GJA8: variants seen among roughly 807,000 people sequenced by gnomAD.
GJA8 encodes the protein gap junction protein alpha 8.
In GJA8, 13 loss-of-function variants were observed where a neutral mutation model predicts 15.3. The observed-to-expected ratio is 0.85, with a 90% confidence interval of 0.55 to 1.35. GJA8 has a LOEUF of 1.35. Among genes scored for constraint, GJA8 ranks in the 40% most tolerant of loss-of-function variants. GJA8 has a pLI of 0.00. For synonymous variants in GJA8, 304 were observed against 238.7 expected (o/e 1.27, Z -2.52); for missense variants, 607 against 553.3 (o/e 1.10, Z -0.97).
chr1:147,909,620 A>G (rs1553243190), downstream of GJA8, among the ~76,000 whole-genome samples: 1 of 152,220 alleles, frequency 6.6e-6, no homozygotes, highest in Admixed American at 6.5e-5. Flanking sequence ...TCTCAAGCTC[A>G]CTAAGCCAGA....
downstream of GJA8, among the ~76,000 whole-genome samples, chr1:147,910,027 T>C (rs587642722): frequency 6.6e-6 from 1 of 152,190 alleles, no homozygotes; most frequent in South Asian, 2.1e-4. Context: ...ACCCGGCTAA[T>C]TTTTGTATTT....
At chr1:147,911,083 A>G (rs1553243410), downstream of GJA8, among the ~76,000 whole-genome samples, 1 of 152,192 alleles carries the variant, frequency 6.6e-6, no homozygotes, top group Non-Finnish European at 1.5e-5. Flanking sequence ...TGCTTCATGG[A>G]CTGCAGTGCC....
downstream of GJA8, among the ~76,000 whole-genome samples, chr1:147,910,874 A>G (rs111362689): frequency 5.9e-5 from 9 of 152,294 alleles, no homozygotes; most frequent in African/African-American, 1.9e-4. Context: ...AAGGACACAG[A>G]GGCTAAAGGG....
chr1:147,911,532 T>G (rs587702008), downstream of GJA8, among the ~76,000 whole-genome samples: 1 of 152,066 alleles, frequency 6.6e-6, no homozygotes, highest in Non-Finnish European at 1.5e-5. Context: ...ATAGAAGAGG[T>G]ATGTTTATCT....
downstream of GJA8, among the ~76,000 whole-genome samples, chr1:147,910,520 C>T (rs1382156364): frequency 2.0e-5 from 3 of 152,162 alleles, no homozygotes; most frequent in East Asian, 3.8e-4. Flanking sequence ...CCCTGGGTAC[C>T]ATCAGAGAAA....
intron 1 of GJA8, among the ~76,000 whole-genome samples, chr1:147,904,691 C>T (rs1651723713): frequency 6.6e-6 from 1 of 152,178 alleles, no homozygotes; most frequent in Admixed American, 6.5e-5. Context: ...TTTAAATTTT[C>T]ACTGTTAGAA....
At chr1:147,911,946 A>G (rs1201413854), downstream of GJA8, among the ~76,000 whole-genome samples, 1 of 151,762 alleles carries the variant, frequency 6.6e-6, no homozygotes, top group East Asian at 1.9e-4. Flanking sequence ...ATCCTGCTTC[A>G]ATGAACGTAC....
At chr1:147,911,486 A>T (rs1347288149), downstream of GJA8, among the ~76,000 whole-genome samples, 2 of 152,202 alleles carry the variant, frequency 1.3e-5, no homozygotes, top group Non-Finnish European at 2.9e-5. Context: ...TACCTAGGTA[A>T]CCCAAAGTGA....
chr1:147,907,640 C>T lies in GJA8; in HGVS notation c.-11-305C>T, dbSNP rs370568689. On this transcript the variant is annotated intron_variant, in intron 1 of 1. Coordinates refer to ENST00000369235, the MANE Select transcript of GJA8 (RefSeq NM_005267.5). ...ACAATGAATCCTTATTTTTGGTGGACTTTAAGGAATTATACAAATATTGCC... is the reference window on the plus strand; with the variant it reads ...ACAATGAATCCTTATTTTTGGTGGATTTTAAGGAATTATACAAATATTGCC... Among the ~76,000 whole-genome samples, 80 of 152,216 alleles carry T rather than the reference C, an allele frequency of 5.3e-4. 1 individual carries two copies. In the South Asian group the frequency reaches 8.7e-3, roughly 17 times the overall value.
chr1:147,910,445 C>A (rs1384164479), downstream of GJA8, among the ~76,000 whole-genome samples: 1 of 152,146 alleles, frequency 6.6e-6, no homozygotes, highest in Non-Finnish European at 1.5e-5. Flanking sequence ...ACTGACCATT[C>A]TTTTGGCTCA....
downstream of GJA8, among the ~76,000 whole-genome samples, chr1:147,911,788 C>T (rs1266859039): frequency 6.6e-6 from 1 of 152,052 alleles, no homozygotes; most frequent in Non-Finnish European, 1.5e-5. Context: ...TCAACTAGAG[C>T]CTAATACAAA....
Position 147,908,838 on chromosome 1 carries a change from A to G in GJA8, c.883A>G (p.Lys295Glu). Residue 295 changes from lysine (K) to glutamate (E), a missense_variant, in exon 2 of 2, where the codon AAG becomes GAG. Coordinates refer to ENST00000369235, the MANE Select transcript of GJA8 (RefSeq NM_005267.5). ...GMVETSPLPA[K>E]PFNQFEEKIS... ...GGTGGAGACCAGCCCACTGCCTGCC[A>G]AGCCTTTCAATCAGTTCGAGGAGAA... 1.2e-6 allele frequency: 2 copies of G among 1,614,204 alleles called. No individual in the cohort carries two copies. Among genetic ancestry groups the G allele is most frequent in the Non-Finnish European group, 1.7e-6 (2 of 1,180,038 alleles).
In GJA8 at chr1:147,908,724, G is replaced by C; in HGVS notation, c.769G>C (p.Val257Leu). Reference sequence around the variant, plus strand: ...TGAGAAATCCCTCCACTCCATTGCTGTCTCCTCCATCCAGAAAGCCAAGGG... The same window carrying C: ...TGAGAAATCCCTCCACTCCATTGCTCTCTCCTCCATCCAGAAAGCCAAGGG... Reference protein sequence around the residue: ...IPEKSLHSIAVSSIQKAKGYQ... With the variant: ...IPEKSLHSIALSSIQKAKGYQ... The change falls in exon 2 of 2, where the codon GTC becomes CTC. Residue 257 changes from valine (V) to leucine (L), a missense_variant. Transcript: ENST00000369235. 1 of 1,614,098 alleles carries C rather than the reference G, an allele frequency of 6.2e-7. No homozygotes were observed. The highest frequency in any genetic ancestry group is 8.5e-7 in the Non-Finnish European group (1 of 1,179,960).
chr1:147,907,206 G>T (rs1651833020), intron 1 of GJA8, among the ~76,000 whole-genome samples: 1 of 152,068 alleles, frequency 6.6e-6, no homozygotes, highest in African/African-American at 2.4e-5. Context: ...CTTATTTGTT[G>T]GAATCAACTT....
chr1:147,907,490 A>G (rs781804738), intron 1 of GJA8, among the ~76,000 whole-genome samples: 1 of 152,166 alleles, frequency 6.6e-6, no homozygotes, highest in South Asian at 2.1e-4. Context: ...TACATACAAG[A>G]ATTGTGTTGG....
At position 147,908,965 on chromosome 1, in the gene GJA8, C is replaced by T; in HGVS notation, c.1010C>T (p.Pro337Leu). 1 of 1,602,976 alleles carries T rather than the reference C, an allele frequency of 6.2e-7. No homozygotes were observed. Among genetic ancestry groups the T allele is most frequent in the Non-Finnish European group, 8.5e-7 (1 of 1,173,474 alleles). Residue 337 changes from proline (P) to leucine (L), a missense_variant, in exon 2 of 2, where the codon CCT becomes CTT. Physicochemically the swap from Pro to Leu is moderately conservative, Grantham distance 98. Transcript: ENST00000369235. Reference protein sequence around the residue: ...GAQEVEGEGPPAEEGAEPEVG... With the variant: ...GAQEVEGEGPLAEEGAEPEVG... Reference sequence around the variant, plus strand: ...CAAGAAGTGGAGGGCGAGGGGCCGCCTGCAGAGGAGGGAGCCGAACCCGAG... The same window carrying T: ...CAAGAAGTGGAGGGCGAGGGGCCGCTTGCAGAGGAGGGAGCCGAACCCGAG...
downstream of GJA8, among the ~76,000 whole-genome samples, chr1:147,909,814 T>C (rs1336941113): frequency 6.6e-6 from 1 of 152,144 alleles, no homozygotes; most frequent in Admixed American, 6.5e-5. Context: ...TTCCAGACAA[T>C]GAGTACCATG....
Position 147,907,932 on chromosome 1 carries a change from C to T in GJA8, c.-11-13C>T. 6.3e-7 allele frequency: 1 copy of T among 1,598,426 alleles called. No individual in the cohort carries two copies. Among genetic ancestry groups the T allele is most frequent in the Non-Finnish European group, 8.6e-7 (1 of 1,166,136 alleles). On this transcript the variant is annotated splice_polypyrimidine_tract_variant and intron_variant, in intron 1 of 1. Transcript: ENST00000369235. ...CGGCCGCTCAGCTCTTGCCTTCTCC[C>T]TCATTTCTTCAGGTGGGTGAGAAAT... is the stretch of plus-strand genomic sequence containing the variant.
intron 1 of GJA8, among the ~76,000 whole-genome samples, chr1:147,903,474 A>G (rs782600105): frequency 7.6e-4 from 116 of 152,242 alleles, no homozygotes; most frequent in Middle Eastern, 3.4e-3. Context: ...TGGCCATTGA[A>G]CGCTTTGGAT....
Sources: allele counts gnomAD v4.1 joint callset (sites outside exome capture counted in the v4.1 genomes callset), GRCh38; gene constraint gnomAD v4.1.1; transcripts MANE v1.5; gene names NCBI Gene and HGNC (gene_info 2026-07-23, HGNC 2026-07-21).